The following CNTNAP5 variants were observed in gnomAD, a reference collection of about 807,000 sequenced individuals.
CNTNAP5 encodes the protein contactin-associated protein-like 5.
In CNTNAP5, 72 loss-of-function variants were observed where a neutral mutation model predicts 150.2. The observed-to-expected ratio is 0.48, with a 90% CI of 0.40 to 0.58. The LOEUF is 0.58. CNTNAP5 is among the 20% of genes least tolerant of loss of function. The pLI is 0.00. For missense variants in CNTNAP5, 1,636 were observed against 1,626.2 expected (o/e 1.01, Z -0.10); for synonymous variants, 672 against 619.8 (o/e 1.08, Z -1.25).
At position 124,451,029 on chromosome 2, in the gene CNTNAP5, T is replaced by TAAAAAAAAA. The variant is rs1156744323; in HGVS notation, c.918+4107_918+4115dup. The stretch of plus-strand genomic sequence containing the variant: ...GGTAGCAGAATAGGACCATGTCTCT[T>TAAAAAAAAA]AAAAAAAAAAAAAAAAAAAAAAATA... On this transcript the variant is annotated intron_variant, in intron 6 of 23. Coordinates refer to ENST00000682447, the MANE Select transcript of CNTNAP5 (RefSeq NM_001367498.1). Among the ~76,000 whole-genome samples the TAAAAAAAAA allele has an allele frequency of 1.6e-3, 33 of 20,052 alleles. 4 individuals are homozygous for TAAAAAAAAA. Among genetic ancestry groups the TAAAAAAAAA allele is most frequent in the African/African-American group, 3.0e-3 (15 of 5,000 alleles). 13.2% of individuals were successfully genotyped at this position (20,052 alleles called of 152,430 possible).
Position 124,790,034 on chromosome 2 carries a change from G to A in CNTNAP5, c.2885G>A (p.Ser962Asn). 6.2e-7 allele frequency: 1 copy of A among 1,613,846 alleles called. No individual in the cohort carries two copies. The highest frequency in any genetic ancestry group is 8.5e-7 in the Non-Finnish European group (1 of 1,179,856). ...AGGCCAGGCTGCCCCGGCCACTGCA[G>A]CAGCTACGGCAGCATCTGCCACAAC... ...GVRPGCPGHCSSYGSICHNGG... is the reference protein window; with the variant it reads ...GVRPGCPGHCNSYGSICHNGG... The change falls in exon 18 of 24, where the codon AGC becomes AAC. Residue 962 changes from serine to asparagine, a missense_variant. Transcript: ENST00000682447.
intron 3 of CNTNAP5, among the ~76,000 whole-genome samples, chr2:124,388,034 G>T (rs374088174): frequency 6.6e-6 from 1 of 152,272 alleles, no homozygotes; most frequent in South Asian, 2.1e-4. Flanking sequence ...TCTCCTCATA[G>T]GCTTCAGAGT....
intron 12 of CNTNAP5, among the ~76,000 whole-genome samples, chr2:124,634,673 A>C (rs1282308919): frequency 2.0e-5 from 3 of 151,814 alleles, no homozygotes; most frequent in Non-Finnish European, 4.4e-5. Flanking sequence ...ATGCCTGGCT[A>C]ATTTTTTTTT....
intron 1 of CNTNAP5, among the ~76,000 whole-genome samples, chr2:124,147,244 A>G (rs563652794): frequency 3.3e-5 from 5 of 152,290 alleles, no homozygotes; most frequent in African/African-American, 1.2e-4. Context: ...ACTTTGGGCA[A>G]GGTTTGTTTT....
At chr2:124,575,331 A>G (rs1343006755) in intron 11 of CNTNAP5, among the ~76,000 whole-genome samples, 2 of 152,324 alleles carry the variant, frequency 1.3e-5, no homozygotes, top group Non-Finnish European at 2.9e-5. Context: ...CTTTGATTAT[A>G]TCATTGCCCA....
intron 13 of CNTNAP5, among the ~76,000 whole-genome samples, chr2:124,673,700 G>C (rs1486536369): frequency 2.0e-5 from 3 of 150,344 alleles, no homozygotes; most frequent in Non-Finnish European, 4.4e-5. Context: ...TTATTTTTCT[G>C]ATTTTATAGA....
intron 13 of CNTNAP5, among the ~76,000 whole-genome samples, chr2:124,727,406 G>T (rs1573576809): frequency 6.6e-6 from 1 of 151,780 alleles, no homozygotes; most frequent in Non-Finnish European, 1.5e-5. Context: ...TGAACTTTGG[G>T]TAGTATGGTC....
At chr2:124,266,050 A>T (rs1393895823) in intron 3 of CNTNAP5, among the ~76,000 whole-genome samples, 1 of 152,126 alleles carries the variant, frequency 6.6e-6, no homozygotes, top group Non-Finnish European at 1.5e-5. Flanking sequence ...CGTGGCTTTG[A>T]GCAAGTTGCT....
chr2:124,648,562 A>T (rs1295867855), intron 13 of CNTNAP5, among the ~76,000 whole-genome samples: 1 of 152,210 alleles, frequency 6.6e-6, no homozygotes, highest in African/African-American at 2.4e-5. Context: ...AACACTGCAT[A>T]TGAATTTATT....
At chr2:124,803,107 T>G (rs1193771141) in intron 19 of CNTNAP5, among the ~76,000 whole-genome samples, 1 of 139,950 alleles carries the variant, frequency 7.1e-6, no homozygotes, top group Admixed American at 7.0e-5. Context: ...AGAGCAAGAC[T>G]CCTTCAAAAA....
chr2:124,297,385 G>A (rs938489472), intron 3 of CNTNAP5, among the ~76,000 whole-genome samples: 3 of 152,128 alleles, frequency 2.0e-5, no homozygotes, highest in Non-Finnish European at 2.9e-5. Flanking sequence ...AAATGCACAG[G>A]AATGATACAC....
chr2:124,085,915 A>G (rs1558750077), intron 1 of CNTNAP5, among the ~76,000 whole-genome samples: 1 of 152,204 alleles, frequency 6.6e-6, no homozygotes, highest in South Asian at 2.1e-4. Flanking sequence ...AGTGGCCCAC[A>G]ATATGGTCTG....
At chr2:124,520,103 T>C (rs1036274918) in intron 8 of CNTNAP5, among the ~76,000 whole-genome samples, 27 of 152,340 alleles carry the variant, frequency 1.8e-4, no homozygotes, top group African/African-American at 6.3e-4. Context: ...TTTTGTGGTG[T>C]TAGTTTTTAA....
At chr2:124,173,142 A>G (rs1201552912) in intron 1 of CNTNAP5, among the ~76,000 whole-genome samples, 1 of 152,192 alleles carries the variant, frequency 6.6e-6, no homozygotes, top group African/African-American at 2.4e-5. Flanking sequence ...AACATAAGTG[A>G]TAAGTGTTGT....
chr2:124,582,984 T>C (rs1696448809), intron 11 of CNTNAP5, among the ~76,000 whole-genome samples: 1 of 152,232 alleles, frequency 6.6e-6, no homozygotes, highest in Non-Finnish European at 1.5e-5. Flanking sequence ...ATATTCATAA[T>C]TTAAAAAAGG....
intron 1 of CNTNAP5, among the ~76,000 whole-genome samples, chr2:124,106,751 C>G (rs1323104131): frequency 6.6e-6 from 1 of 152,108 alleles, no homozygotes; most frequent in African/African-American, 2.4e-5. Flanking sequence ...TTGTGGAAAC[C>G]CCCATATATA....
intron 12 of CNTNAP5, among the ~76,000 whole-genome samples, chr2:124,617,071 A>T (rs982170610): frequency 8.5e-5 from 13 of 152,096 alleles, no homozygotes; most frequent in Non-Finnish European, 1.6e-4. Context: ...AATGATAATA[A>T]TATAATATAA....
chr2:124,374,466 A>G (rs1415036644), intron 3 of CNTNAP5, among the ~76,000 whole-genome samples: 1 of 152,134 alleles, frequency 6.6e-6, no homozygotes, highest in Non-Finnish European at 1.5e-5. Flanking sequence ...TGTGAGTACT[A>G]AGAGAAGAAG....
At position 124,886,462 on chromosome 2, in the gene CNTNAP5, A is replaced by G. The variant is rs9636353; in HGVS notation, c.3437-16420A>G. Among the ~76,000 whole-genome samples, 576 of 152,116 alleles carry G rather than the reference A, an allele frequency of 3.8e-3. 27 individuals are homozygous for G. The East Asian group carries it at 0.09, about 24-fold the overall frequency. On this transcript the variant is annotated intron_variant, in intron 21 of 23. Coordinates refer to ENST00000682447, the MANE Select transcript of CNTNAP5 (RefSeq NM_001367498.1). The stretch of plus-strand genomic sequence containing the variant: ...TTTGGAGTTTATTCTAGTTTTGAAC[A>G]TTATATGATTTTGTGATGCATGAAA...
Sources: gnomAD v4.1 joint callset for allele counts (sites outside exome capture counted in the v4.1 genomes callset) on GRCh38, gnomAD v4.1.1 for gene constraint, MANE v1.5 for transcripts, NCBI Gene and HGNC (gene_info 2026-07-23, HGNC 2026-07-21) for gene names.